The following TENT4A variants were observed in gnomAD, a reference collection of about 807,000 sequenced individuals.
TENT4A encodes the protein DNA polymerase kappa.
Under a neutral mutation model 72.8 loss-of-function variants are expected in TENT4A, and 7 were observed. That is an observed-to-expected ratio of 0.10 (90% CI 0.05 to 0.18). TENT4A has a LOEUF of 0.18. TENT4A is among the 10% of genes least tolerant of loss of function. The probability of loss-of-function intolerance (pLI) is 1.00; values close to 1 mark genes in which losing one functional copy is unlikely to be tolerated. For synonymous variants in TENT4A, 456 were observed against 434.3 expected (o/e 1.05, Z -0.62); for missense variants, 831 against 1,017.7 (o/e 0.82, Z 2.50).
At chr5:6,722,963 G>A (rs768961340) in intron 1 of TENT4A, among the ~76,000 whole-genome samples, 43 of 152,188 alleles carry the variant, frequency 2.8e-4, no homozygotes, top group Non-Finnish European at 5.6e-4. Context: ...CAACTGAGGA[G>A]CTGAATTTTA....
chr5:6,752,809 A>G, intron 11 of TENT4A, 64 bp from the exon 12 acceptor site: 1 of 1,488,478 alleles, frequency 6.7e-7, no homozygotes, highest in Non-Finnish European at 9.3e-7. Flanking sequence ...TGCTGAGCTT[A>G]GAAGCCGGAT....
At chr5:6,737,440 G>A (rs1044986805) in intron 1 of TENT4A, 70 bp from the exon 2 acceptor site, 9 of 1,380,264 alleles carry the variant, frequency 6.5e-6, no homozygotes, top group Middle Eastern at 1.8e-4. Context: ...TCATCCTGAT[G>A]TAAGAACAGA....
chr5:6,729,175 A>G (rs1278764742), intron 1 of TENT4A, among the ~76,000 whole-genome samples: 1 of 152,226 alleles, frequency 6.6e-6, no homozygotes, highest in Non-Finnish European at 1.5e-5. Flanking sequence ...AGACTTCAAG[A>G]TGAAGACTTC....
rs148889548 is a variant in TENT4A at position 6,734,389 on chromosome 5, A to G, written c.717-3121A>G. On this transcript the variant is annotated intron_variant, in intron 1 of 12. Transcript: ENST00000230859. ...TTTTCAGGCCAGCCCAGAGGATGTA[A>G]TGATGATGGTTGGCACTGTCCCACG... 3.8e-4 allele frequency among the ~76,000 whole-genome samples: 58 copies of G among 152,342 alleles called. 1 individual carries two copies. In the East Asian group the frequency reaches 8.7e-3, roughly 23 times the overall value.
intron 1 of TENT4A, among the ~76,000 whole-genome samples, chr5:6,731,503 G>A (rs1039189270): frequency 6.6e-6 from 1 of 152,096 alleles, no homozygotes; most frequent in Non-Finnish European, 1.5e-5. Context: ...GTTCTTCAGA[G>A]TGCAGGTCCT....
chr5:6,748,426 G>A (rs1324225346), intron 7 of TENT4A, 38 bp from the exon 8 acceptor site: 3 of 1,609,398 alleles, frequency 1.9e-6, no homozygotes, highest in South Asian at 2.2e-5. Context: ...ACGATGGTGT[G>A]CATGTGGGGA....
At chr5:6,722,006 A>G (rs1740677570) in intron 1 of TENT4A, among the ~76,000 whole-genome samples, 1 of 152,202 alleles carries the variant, frequency 6.6e-6, no homozygotes. Context: ...GGGAAATGAA[A>G]AGTCGAATGT....
At chr5:6,724,906 G>C (rs918601283) in intron 1 of TENT4A, among the ~76,000 whole-genome samples, 1 of 152,226 alleles carries the variant, frequency 6.6e-6, no homozygotes, top group Non-Finnish European at 1.5e-5. Flanking sequence ...CTGGCCTGGG[G>C]TCACACAGCT....
chr5:6,754,506 T>C (rs982744673), intron 12 of TENT4A, among the ~76,000 whole-genome samples: 1 of 152,158 alleles, frequency 6.6e-6, no homozygotes. Flanking sequence ...GTGGAACAAG[T>C]TAGAAGTGAG....
chr5:6,744,274 G>T (rs529110761), intron 6 of TENT4A, among the ~76,000 whole-genome samples: 49 of 152,302 alleles, frequency 3.2e-4, no homozygotes, highest in African/African-American at 1.1e-3. Flanking sequence ...TCATTATTTT[G>T]TCTTAAATTA....
In TENT4A at chr5:6,714,053, TG is replaced by T; in HGVS notation, c.73del (p.Glu25ArgfsTer65). 1.0e-6 allele frequency: 1 copy of T among 994,910 alleles called. No homozygotes were observed. The highest frequency in any genetic ancestry group is 1.2e-6 in the Non-Finnish European group (1 of 836,896). 61.6% of individuals were successfully genotyped at this position (994,910 alleles called of 1,614,324 possible). A position where few individuals can be genotyped will look rare whatever the true frequency, so the allele number is the denominator to read the frequency against. On this transcript the variant is annotated frameshift_variant, in exon 1 of 13. Coordinates refer to ENST00000230859, the MANE Select transcript of TENT4A (RefSeq NM_006999.6). LOFTEE classifies it high-confidence loss of function. ...GGCCAATGCCCTGTGGATGCAGATC[TG>T]GGAGACCTCGCAGGGCGTGGGCCGC... ...GPANALWMQI[W>X]ETSQGVGRGG...
intron 5 of TENT4A, 99 bp downstream of exon 5, chr5:6,742,696 A>G: frequency 1.4e-6 from 1 of 722,580 alleles, no homozygotes; most frequent in South Asian, 1.5e-5. Flanking sequence ...TGCACACACA[A>G]GTCTTTCGTA....
intron 1 of TENT4A, among the ~76,000 whole-genome samples, chr5:6,725,395 C>T (rs149904210): frequency 4.7e-4 from 72 of 152,282 alleles, no homozygotes; most frequent in African/African-American, 1.7e-3. Flanking sequence ...GGAGAGATGC[C>T]GATGCTGTCT....
rs1303439983 is a variant in TENT4A at position 6,755,238 on chromosome 5, G to A, written c.*293G>A. ...AGGAACTGCAGGGACGTGAACATGC[G>A]CTTGCGGTTTGAGGTAGCCGTGTCT... On this transcript the variant is annotated 3_prime_UTR_variant, in exon 13 of 13. Transcript: ENST00000230859. The A allele has an allele frequency of 1.0e-5, 3 of 295,978 alleles. No homozygotes were observed. Among genetic ancestry groups the A allele is most frequent in the Admixed American group, 5.2e-5 (1 of 19,360 alleles). 18.3% of individuals were successfully genotyped at this position (295,978 alleles called of 1,614,324 possible). A position where few individuals can be genotyped will look rare whatever the true frequency, so the allele number is the denominator to read the frequency against.
chr5:6,727,453 C>T (rs927431897), intron 1 of TENT4A, among the ~76,000 whole-genome samples: 1 of 152,236 alleles, frequency 6.6e-6, no homozygotes, highest in Non-Finnish European at 1.5e-5. Flanking sequence ...TTCGGACTCT[C>T]TGCTCTGTAG....
At chr5:6,742,423 G>A in intron 4 of TENT4A, 67 bp from the exon 5 acceptor site, 1 of 982,808 alleles carries the variant, frequency 1.0e-6, no homozygotes, top group Non-Finnish European at 1.6e-6. Flanking sequence ...AGCTTTGGCA[G>A]CATTTTGATG....
intron 5 of TENT4A, among the ~76,000 whole-genome samples, chr5:6,743,118 ACCT>A (rs1741902466): frequency 6.6e-6 from 1 of 151,924 alleles, no homozygotes; most frequent in South Asian, 2.1e-4. Context: ...GGTGGTCGTG[ACCT>A]CCTGTTGCAG....
At chr5:6,732,751 T>C (rs904363597) in intron 1 of TENT4A, among the ~76,000 whole-genome samples, 8 of 152,228 alleles carry the variant, frequency 5.3e-5, no homozygotes, top group Non-Finnish European at 1.2e-4. Flanking sequence ...AAACCTCTGC[T>C]GTCACCATTT....
At chr5:6,721,842 C>G (rs1035405990) in intron 1 of TENT4A, among the ~76,000 whole-genome samples, 1 of 152,184 alleles carries the variant, frequency 6.6e-6, no homozygotes, top group African/African-American at 2.4e-5. Flanking sequence ...ACCAGTTAGG[C>G]TCTCCTGTGG....
Sources: gnomAD v4.1 joint callset for allele counts (sites outside exome capture counted in the v4.1 genomes callset) on GRCh38, gnomAD v4.1.1 for gene constraint, MANE v1.5 for transcripts, NCBI Gene and HGNC (gene_info 2026-07-23, HGNC 2026-07-21) for gene names.